The following ERC1 variants were observed in gnomAD, a reference collection of about 807,000 sequenced individuals.
ERC1 encodes RAB6 interacting protein 2.
A neutral mutation model predicts 132.0 loss-of-function variants in ERC1; 56 were observed. That is an observed-to-expected ratio of 0.42 (90% CI 0.34 to 0.53). The LOEUF is 0.53. Among genes scored for constraint, ERC1 ranks in the 20% least tolerant of loss-of-function variants. The probability of loss-of-function intolerance (pLI) is 0.03; values close to 1 mark genes in which losing one functional copy is unlikely to be tolerated. For missense variants in ERC1, 1,202 were observed against 1,349.9 expected, an observed-to-expected ratio of 0.89 and a Z score of 1.72; for synonymous variants, 478 against 476.1, an observed-to-expected ratio of 1.00 and a Z score of -0.05.
At chr12:1,136,905 T>C (rs1403428835) in intron 7 of ERC1, among the ~76,000 whole-genome samples, 1 of 152,102 alleles carries the variant, frequency 6.6e-6, no homozygotes, top group Non-Finnish European at 1.5e-5. Flanking sequence ...TTAGAAAACT[T>C]TTCTGACTCT....
At chr12:1,063,961 G>T (rs1395583672) in intron 2 of ERC1, among the ~76,000 whole-genome samples, 1 of 152,100 alleles carries the variant, frequency 6.6e-6, no homozygotes, top group Non-Finnish European at 1.5e-5. Flanking sequence ...ATTTTGTATG[G>T]CTGGTTTAGT....
At chr12:1,092,767 C>T (rs1236090530) in intron 3 of ERC1, among the ~76,000 whole-genome samples, 1 of 152,164 alleles carries the variant, frequency 6.6e-6, no homozygotes, top group African/African-American at 2.4e-5. Flanking sequence ...TCGAGACCAG[C>T]CTGGGCAATA....
intron 15 of ERC1, among the ~76,000 whole-genome samples, chr12:1,341,797 A>G (rs964003775): frequency 6.6e-6 from 1 of 152,164 alleles, no homozygotes; most frequent in Non-Finnish European, 1.5e-5. Flanking sequence ...ATACCCTAGA[A>G]CTTAAAGTAT....
intron 13 of ERC1, among the ~76,000 whole-genome samples, chr12:1,261,065 C>T (rs1421946050): frequency 6.6e-6 from 1 of 152,200 alleles, no homozygotes; most frequent in Non-Finnish European, 1.5e-5. Flanking sequence ...ACTTGATTCT[C>T]TGCATTGTGA....
At chr12:1,120,720 C>G (rs959310624) in intron 7 of ERC1, among the ~76,000 whole-genome samples, 8 of 152,194 alleles carry the variant, frequency 5.3e-5, no homozygotes, top group African/African-American at 1.9e-4. Flanking sequence ...TTTTCCCCTT[C>G]TCCAGGAAAT....
intron 7 of ERC1, 121 bp from the exon 8 acceptor site, chr12:1,141,499 A>G (rs1182666346): frequency 1.0e-5 from 7 of 679,808 alleles, no homozygotes; most frequent in Non-Finnish European, 1.6e-5. Flanking sequence ...AGATGTAGAT[A>G]ATACTACTTT....
chr12:1,408,372 T>C, intron 17 of ERC1, 125 bp downstream of exon 17: 1 of 604,646 alleles, frequency 1.7e-6, no homozygotes, highest in Non-Finnish European at 2.8e-6. Context: ...GCTAATTCAG[T>C]TCTGAAAACT....
rs889163058 is a variant in ERC1 at position 1,236,757 on chromosome 12, T to G, written c.2352-12T>G. The G allele has an allele frequency of 1.9e-6, 3 of 1,611,362 alleles. No individual in the cohort carries two copies. Among genetic ancestry groups the G allele is most frequent in the Non-Finnish European group, 2.5e-6 (3 of 1,178,602 alleles). On this transcript the variant is annotated splice_polypyrimidine_tract_variant and intron_variant, in intron 12 of 18. Coordinates refer to ENST00000360905, the MANE Select transcript of ERC1 (RefSeq NM_178040.4). ...CATATGCAAAGCTTGATTTTTCTCC[T>G]TCTGTCATTAGGCAAGTGAAAGACC...
Position 1,263,075 on chromosome 12 carries a change from A to T in ERC1, c.2529A>T (p.Glu843Asp). Residue 843 changes from glutamate (E) to aspartate (D), a missense_variant, in exon 14 of 19, where the codon GAA becomes GAT. Physicochemically the swap from Glu to Asp is conservative, Grantham distance 45. Transcript: ENST00000360905. ...AGGATGACAGGATTGAAGAGCTGGA[A>T]GAAGCACTAAGAGAAAGTGTACAGA... The part of the protein sequence containing the change: ...RKKDDRIEEL[E>D]EALRESVQIT... 1 of 1,614,108 alleles carries T rather than the reference A, an allele frequency of 6.2e-7. No individual in the cohort carries two copies. Among genetic ancestry groups the T allele is most frequent in the Non-Finnish European group, 8.5e-7 (1 of 1,179,960 alleles).
chr12:1,049,428 C>G (rs917290653), intron 2 of ERC1, among the ~76,000 whole-genome samples: 1 of 152,148 alleles, frequency 6.6e-6, no homozygotes, highest in African/African-American at 2.4e-5. Context: ...AAACCTGATG[C>G]CTGAGTCTCA....
intron 14 of ERC1, among the ~76,000 whole-genome samples, chr12:1,274,407 A>G (rs762310009): frequency 7.2e-5 from 11 of 152,194 alleles, no homozygotes; most frequent in Non-Finnish European, 1.3e-4. Flanking sequence ...GTATTTTATA[A>G]AAGTGTGTAA....
intron 14 of ERC1, among the ~76,000 whole-genome samples, chr12:1,269,745 C>G (rs1383456268): frequency 6.6e-6 from 1 of 152,184 alleles, no homozygotes; most frequent in Non-Finnish European, 1.5e-5. Context: ...GGCACAGGCT[C>G]TCAGCCTCTA....
At chr12:1,334,047 T>C (rs2083105314) in intron 15 of ERC1, among the ~76,000 whole-genome samples, 1 of 152,254 alleles carries the variant, frequency 6.6e-6, no homozygotes, top group African/African-American at 2.4e-5. Context: ...TGTTATGTCT[T>C]CTTTTGAAAA....
chr12:1,418,617 TTCTTTCTTTCTTTCTTTCTTTCTTTC>T lies in ERC1; in HGVS notation c.3024+10374_3024+10399del, dbSNP rs1298473599. Among the ~76,000 whole-genome samples, 168 of 112,834 alleles carry T rather than the reference TTCTTTCTTTCTTTCTTTCTTTCTTTC, an allele frequency of 1.5e-3. 1 individual carries two copies. The highest frequency in any genetic ancestry group is 8.7e-3 in the African/African-American group (160 of 18,384). 74.0% of individuals were successfully genotyped at this position (112,834 alleles called of 152,430 possible). ...TTTCTTTCTTTCTTTCTTTCTTTCT[TTCTTTCTTTCTTTCTTTCTTTCTTTC>T]TCTCTCTCTCTCTCTCTCTTTCTTT... On this transcript the variant is annotated intron_variant, in intron 17 of 18. Transcript: ENST00000360905.
In ERC1 at chr12:1,456,444, A is replaced by G. The variant is rs116827609; in HGVS notation, c.3213+11694A>G. On this transcript the variant is annotated intron_variant, in intron 18 of 18. Coordinates refer to ENST00000360905, the MANE Select transcript of ERC1 (RefSeq NM_178040.4). Reference sequence around the variant, plus strand: ...TTGTTGAAATAATGAATTCAGGGCCACCTTACCCCTAGCTGCAATCTTGTC... The same window carrying G: ...TTGTTGAAATAATGAATTCAGGGCCGCCTTACCCCTAGCTGCAATCTTGTC... Among the ~76,000 whole-genome samples, 625 of 152,152 alleles carry G rather than the reference A, an allele frequency of 4.1e-3. 10 individuals carry two copies. Among genetic ancestry groups the G allele is most frequent in the African/African-American group, 0.015 (603 of 41,502 alleles).
intron 2 of ERC1, among the ~76,000 whole-genome samples, chr12:1,056,084 T>TA (rs60332254): frequency 2.1e-4 from 31 of 145,408 alleles, no homozygotes; most frequent in Admixed American, 1.4e-3. Flanking sequence ...TTTTTTTTTT[T>TA]AAAAAAAAGG....
At chr12:1,470,527 A>G (rs2093839934) in intron 18 of ERC1, among the ~76,000 whole-genome samples, 1 of 151,414 alleles carries the variant, frequency 6.6e-6, no homozygotes, top group African/African-American at 2.4e-5. Flanking sequence ...TAGGCGGACT[A>G]GCTAACCTGG....
chr12:1,190,580 A>G (rs1016519801), intron 12 of ERC1, among the ~76,000 whole-genome samples: 2 of 152,172 alleles, frequency 1.3e-5, no homozygotes, highest in African/African-American at 4.8e-5. Flanking sequence ...AGCCACGGAT[A>G]TGTTTTTTTA....
At chr12:1,345,131 A>T (rs1022736778) in intron 15 of ERC1, among the ~76,000 whole-genome samples, 5 of 152,032 alleles carry the variant, frequency 3.3e-5, no homozygotes, top group Non-Finnish European at 5.9e-5. Context: ...ATAAAAATTG[A>T]ATTTAATTTT....
Sources: allele counts gnomAD v4.1 joint callset (sites outside exome capture counted in the v4.1 genomes callset), GRCh38; gene constraint gnomAD v4.1.1; transcripts MANE v1.5; gene names NCBI Gene and HGNC (gene_info 2026-07-23, HGNC 2026-07-21).